The following SOAT1 variants were observed in gnomAD, a reference collection of about 807,000 sequenced individuals.
SOAT1 encodes the protein acyl-coenzyme A:cholesterol acyltransferase 1.
A neutral mutation model predicts 69.5 loss-of-function variants in SOAT1; 55 were observed. That is an observed-to-expected ratio of 0.79 (90% CI 0.64 to 0.99). SOAT1 has a LOEUF of 0.99. Among genes scored for constraint, SOAT1 ranks in the 50% least tolerant of loss-of-function variants. SOAT1 has a pLI of 0.00. For missense variants in SOAT1, 580 were observed against 669.3 expected (o/e 0.87, Z 1.47); for synonymous variants, 231 against 224.7 (o/e 1.03, Z -0.25).
intron 3 of SOAT1, among the ~76,000 whole-genome samples, chr1:179,331,333 C>T (rs548521047): frequency 6.6e-6 from 1 of 152,304 alleles, no homozygotes; most frequent in East Asian, 1.9e-4. Context: ...TCAGGTACTA[C>T]ATTAAGTGCT....
intron 2 of SOAT1, among the ~76,000 whole-genome samples, chr1:179,304,153 G>A (rs1664924787): frequency 6.6e-6 from 1 of 152,118 alleles, no homozygotes; most frequent in South Asian, 2.1e-4. Context: ...ATTTGAAAAT[G>A]TTTCTTCACA....
At chr1:179,335,450 A>G in intron 3 of SOAT1, 56 bp from the exon 4 acceptor site, 1 of 1,465,018 alleles carries the variant, frequency 6.8e-7, no homozygotes, top group Admixed American at 1.9e-5. Flanking sequence ...GAGAAATGCT[A>G]ATGACTCACA....
At chr1:179,333,123 T>A (rs960609716) in intron 3 of SOAT1, among the ~76,000 whole-genome samples, 25 of 152,222 alleles carry the variant, frequency 1.6e-4, no homozygotes, top group African/African-American at 6.0e-4. Context: ...TAAATTACAA[T>A]TTTTATTGTA....
chr1:179,342,644 T>C (rs1194570728), intron 8 of SOAT1, among the ~76,000 whole-genome samples: 2 of 152,322 alleles, frequency 1.3e-5, no homozygotes, highest in East Asian at 3.9e-4. Context: ...CTTCACACTC[T>C]AGAAGTTATC....
At chr1:179,319,285 T>TA (rs1665510959) in intron 2 of SOAT1, among the ~76,000 whole-genome samples, 1 of 149,822 alleles carries the variant, frequency 6.7e-6, no homozygotes, top group Non-Finnish European at 1.5e-5. Context: ...TTTTTTTTTT[T>TA]AAAAGACAGA....
At chr1:179,322,375 C>CT (rs1283201364) in intron 2 of SOAT1, among the ~76,000 whole-genome samples, 2 of 151,340 alleles carry the variant, frequency 1.3e-5, no homozygotes, top group South Asian at 2.1e-4. Flanking sequence ...GACTATTCTC[C>CT]TTTTTTTTCT....
chr1:179,340,860 G>T (rs1666310965), intron 6 of SOAT1, among the ~76,000 whole-genome samples, 168 bp from the exon 7 acceptor site: 1 of 151,532 alleles, frequency 6.6e-6, no homozygotes, highest in South Asian at 2.1e-4. Context: ...CAGATGGTTA[G>T]AAGCAGATCT....
chr1:179,325,647 G>A (rs1204476357), intron 3 of SOAT1, among the ~76,000 whole-genome samples: 1 of 152,152 alleles, frequency 6.6e-6, no homozygotes, highest in Admixed American at 6.6e-5. Context: ...TAGGTGAAAA[G>A]TAAGTCTGTC....
At position 179,351,404 on chromosome 1, in the gene SOAT1, T is replaced by G; in HGVS notation, c.1538T>G (p.Val513Gly). 1 of 1,614,036 alleles carries G rather than the reference T, an allele frequency of 6.2e-7. No homozygotes were observed. Among genetic ancestry groups the G allele is most frequent in the Non-Finnish European group, 8.5e-7 (1 of 1,179,962 alleles). Reference sequence around the variant, plus strand: ...ACTTCTCTTTTCTTGGGCAATGGAGTCTTACTCTGCTTTTATTCTCAAGAA... The same window carrying G: ...ACTTCTCTTTTCTTGGGCAATGGAGGCTTACTCTGCTTTTATTCTCAAGAA... Reference protein sequence around the residue: ...MWTSLFLGNGVLLCFYSQEWY... With the variant: ...MWTSLFLGNGGLLCFYSQEWY... Residue 513 changes from valine to glycine, a missense_variant, in exon 15 of 16, where the codon GTC becomes GGC. Val to Gly is a moderately radical substitution (Grantham distance 109, BLOSUM62 -3). Coordinates refer to ENST00000367619, the MANE Select transcript of SOAT1 (RefSeq NM_003101.6).
chr1:179,348,760 A>AAG lies in SOAT1; in HGVS notation c.1216-84_1216-83insAG, dbSNP rs1491311101. On this transcript the variant is annotated intron_variant, in intron 12 of 15. Transcript: ENST00000367619. ...TCAGGGGGGTTTGCTTTCGGGTGGG[A>AAG]TGTGTGTGTGTGTGTGTGTGTGTGT... 4.0e-3 allele frequency: 2,373 copies of AAG among 593,500 alleles called. 35 individuals are homozygous for AAG. The highest frequency in any genetic ancestry group is 0.014 in the African/African-American group (684 of 48,838). 36.8% of individuals were successfully genotyped at this position (593,500 alleles called of 1,614,324 possible). A position where few individuals can be genotyped will look rare whatever the true frequency, so the allele number is the denominator to read the frequency against.
At chr1:179,304,673 G>A (rs1050159534) in intron 2 of SOAT1, among the ~76,000 whole-genome samples, 1 of 151,282 alleles carries the variant, frequency 6.6e-6, no homozygotes, top group South Asian at 2.1e-4. Flanking sequence ...CCTCCTAATT[G>A]GAGATAGTCT....
At chr1:179,326,550 C>CTTT (rs10568516) in intron 3 of SOAT1, among the ~76,000 whole-genome samples, 10 of 106,312 alleles carry the variant, frequency 9.4e-5, no homozygotes, top group African/African-American at 2.0e-4. Context: ...AATTTCTTTT[C>CTTT]TTTTTTTTTT....
chr1:179,340,621 CT>C (rs1309180748), intron 6 of SOAT1, among the ~76,000 whole-genome samples: 4 of 151,990 alleles, frequency 2.6e-5, no homozygotes, highest in African/African-American at 9.7e-5. Context: ...GTACCTATTT[CT>C]TCTGAAAAAT....
intron 3 of SOAT1, among the ~76,000 whole-genome samples, chr1:179,326,285 A>G (rs1331675799): frequency 6.6e-6 from 1 of 152,140 alleles, no homozygotes; most frequent in African/African-American, 2.4e-5. Context: ...TATCCTTCAA[A>G]TTCTAGGTCA....
chr1:179,322,633 C>T (rs952858008), intron 2 of SOAT1, among the ~76,000 whole-genome samples: 4 of 152,086 alleles, frequency 2.6e-5, no homozygotes, highest in Non-Finnish European at 4.4e-5. Flanking sequence ...CCTGGAGACC[C>T]GACTTGGGTT....
At chr1:179,322,921 CTG>C (rs1461379796) in intron 2 of SOAT1, among the ~76,000 whole-genome samples, 1 of 152,130 alleles carries the variant, frequency 6.6e-6, no homozygotes, top group African/African-American at 2.4e-5. Context: ...GTATTGTCCT[CTG>C]TGTACTATTC....
chr1:179,339,347 G>A (rs983528392), intron 5 of SOAT1, 91 bp from the exon 6 acceptor site: 10 of 779,444 alleles, frequency 1.3e-5, no homozygotes, highest in Non-Finnish European at 1.6e-5. Context: ...CTTCTCAACT[G>A]CTTTAAGTTA....
At chr1:179,313,592 A>G (rs183124847) in intron 2 of SOAT1, among the ~76,000 whole-genome samples, 1 of 151,376 alleles carries the variant, frequency 6.6e-6, no homozygotes, top group East Asian at 1.9e-4. Flanking sequence ...ATGTATATAT[A>G]TATTTTTTTT....
In SOAT1 at chr1:179,330,064, G is replaced by T. The variant is rs149465919; in HGVS notation, c.178-5442G>T. Among the ~76,000 whole-genome samples the T allele has an allele frequency of 1.4e-4, 22 of 152,254 alleles. No homozygotes were observed. In the East Asian group the frequency reaches 3.9e-3, roughly 27 times the overall value. On this transcript the variant is annotated intron_variant, in intron 3 of 15. Transcript: ENST00000367619. ...GACAAAACCAATGGACTGAGACAGT[G>T]GTAAAGCAGTAGAGAAGGAGTTTAA...
Sources: gnomAD v4.1 joint callset for allele counts (sites outside exome capture counted in the v4.1 genomes callset) on GRCh38, gnomAD v4.1.1 for gene constraint, MANE v1.5 for transcripts, NCBI Gene and HGNC (gene_info 2026-07-23, HGNC 2026-07-21) for gene names.